Variants in RBFOX1 observed in about 807,000 individuals in gnomAD.
The protein encoded by RBFOX1 is RNA binding fox-1 homolog 1.
Under a neutral mutation model 57.7 loss-of-function variants are expected in RBFOX1, and 8 were observed. The ratio of observed to expected loss-of-function variants is 0.14; its 90% CI spans 0.08 to 0.25. The LOEUF (loss-of-function observed/expected upper bound fraction) is 0.25, where lower values mean the gene tolerates loss of function less well. Ranked by LOEUF, RBFOX1 falls within the 10% of genes least tolerant of loss-of-function variation. The pLI is 1.00. For synonymous variants in RBFOX1, 326 were observed against 222.4 expected (o/e 1.47, Z -4.15); for missense variants, 611 against 548.5 (o/e 1.11, Z -1.14).
chr16:7,700,844 G>A (rs902306642), intron 14 of RBFOX1, among the ~76,000 whole-genome samples: 5 of 152,270 alleles, frequency 3.3e-5, no homozygotes, highest in East Asian at 1.9e-4. Context: ...ATAGGAAGAG[G>A]TTTTGAATGG....
At chr16:5,666,631 A>G (rs933446451) in intron 3 of RBFOX1, among the ~76,000 whole-genome samples, 4 of 152,212 alleles carry the variant, frequency 2.6e-5, no homozygotes, top group African/African-American at 9.7e-5. Context: ...GAGACAGCTA[A>G]TAGGACTGGC....
intron 1 of RBFOX1, among the ~76,000 whole-genome samples, chr16:6,112,999 A>G (rs2096462413): frequency 6.6e-6 from 1 of 152,226 alleles, no homozygotes; most frequent in African/African-American, 2.4e-5. Flanking sequence ...AAAATGTATC[A>G]GACAGCTATT....
chr16:7,527,867 CAGG>C (rs2079052015), intron 5 of RBFOX1, among the ~76,000 whole-genome samples: 1 of 152,116 alleles, frequency 6.6e-6, no homozygotes, highest in African/African-American at 2.4e-5. Flanking sequence ...ATGTTTTATC[CAGG>C]AGAATACATT....
chr16:5,619,843 T>TG (rs1427915469), intron 3 of RBFOX1, among the ~76,000 whole-genome samples: 1 of 152,166 alleles, frequency 6.6e-6, no homozygotes, highest in Non-Finnish European at 1.5e-5. Flanking sequence ...GCAGGTCCCC[T>TG]GGGGACATGG....
At chr16:6,800,974 G>A (rs1603626425) in intron 3 of RBFOX1, among the ~76,000 whole-genome samples, 1 of 152,040 alleles carries the variant, frequency 6.6e-6, no homozygotes, top group Non-Finnish European at 1.5e-5. Flanking sequence ...ACAACAGTGT[G>A]GGAAATCAAT....
At chr16:7,384,218 AAT>A (rs528826994) in intron 4 of RBFOX1, among the ~76,000 whole-genome samples, 4 of 151,878 alleles carry the variant, frequency 2.6e-5, no homozygotes, top group Admixed American at 1.3e-4. Flanking sequence ...ACATATATGA[AAT>A]ATATATATGA....
intron 4 of RBFOX1, among the ~76,000 whole-genome samples, chr16:7,435,655 T>G (rs1225016956): frequency 6.6e-6 from 1 of 152,208 alleles, no homozygotes; most frequent in Non-Finnish European, 1.5e-5. Flanking sequence ...AAGGAGAATT[T>G]GGCTCACTAC....
At chr16:6,006,448 G>A (rs1157534897) in intron 4 of RBFOX1, among the ~76,000 whole-genome samples, 1 of 152,160 alleles carries the variant, frequency 6.6e-6, no homozygotes, top group African/African-American at 2.4e-5. Context: ...ATGCCAGTCT[G>A]TGCCTATTGG....
intron 3 of RBFOX1, among the ~76,000 whole-genome samples, chr16:5,627,154 A>G (rs1287721538): frequency 6.6e-6 from 1 of 152,224 alleles, no homozygotes; most frequent in Non-Finnish European, 1.5e-5. Flanking sequence ...ATCCACCATT[A>G]GAAATTATTT....
At chr16:6,161,845 C>T (rs908537514) in intron 1 of RBFOX1, among the ~76,000 whole-genome samples, 1 of 152,202 alleles carries the variant, frequency 6.6e-6, no homozygotes, top group Admixed American at 6.5e-5. Flanking sequence ...CTAGCCAGCT[C>T]CCTAATCACT....
At chr16:7,660,510 T>C (rs192777047) in intron 12 of RBFOX1, among the ~76,000 whole-genome samples, 1 of 152,346 alleles carries the variant, frequency 6.6e-6, no homozygotes, top group East Asian at 1.9e-4. Flanking sequence ...TTACAAATTA[T>C]TTGGATACAT....
chr16:5,602,326 A>C (rs1005867498), downstream of RBFOX1, among the ~76,000 whole-genome samples: 21 of 152,250 alleles, frequency 1.4e-4, no homozygotes, highest in African/African-American at 4.8e-4. Context: ...AGATGATTGT[A>C]CAAGTGTGAG....
At chr16:6,848,706 A>AT (rs2093900229) in intron 3 of RBFOX1, among the ~76,000 whole-genome samples, 1 of 152,124 alleles carries the variant, frequency 6.6e-6, no homozygotes, top group African/African-American at 2.4e-5. Flanking sequence ...GGAATGAGAG[A>AT]TAATAGATGG....
chr16:6,744,025 C>G (rs947412412), intron 3 of RBFOX1, among the ~76,000 whole-genome samples: 1 of 151,786 alleles, frequency 6.6e-6, no homozygotes, highest in Non-Finnish European at 1.5e-5. Flanking sequence ...AAGTGTATTT[C>G]TTTCCTTTAA....
At chr16:7,368,445 C>A (rs992284868) in intron 4 of RBFOX1, among the ~76,000 whole-genome samples, 5 of 151,812 alleles carry the variant, frequency 3.3e-5, no homozygotes, top group Non-Finnish European at 7.4e-5. Flanking sequence ...AAAAAGTTTT[C>A]TTGGAGGTCT....
intron 4 of RBFOX1, among the ~76,000 whole-genome samples, chr16:7,143,573 G>C (rs975992568): frequency 6.6e-6 from 1 of 152,126 alleles, no homozygotes; most frequent in Non-Finnish European, 1.5e-5. Context: ...TTATGGGGTA[G>C]CTTTCTCCCA....
chr16:6,517,650 C>G (rs566022643), intron 2 of RBFOX1, among the ~76,000 whole-genome samples: 2 of 152,282 alleles, frequency 1.3e-5, no homozygotes, highest in South Asian at 4.1e-4. Flanking sequence ...CGAGATAGTA[C>G]TTGATGGCTA....
chr16:6,753,242 A>G (rs1044735651), intron 3 of RBFOX1, among the ~76,000 whole-genome samples: 3 of 152,228 alleles, frequency 2.0e-5, no homozygotes, highest in Non-Finnish European at 2.9e-5. Context: ...TAAAGCAAGT[A>G]TAGTAAAATG....
intron 3 of RBFOX1, among the ~76,000 whole-genome samples, chr16:6,659,343 G>T (rs1426392465): frequency 1.3e-5 from 2 of 152,036 alleles, no homozygotes; most frequent in African/African-American, 4.8e-5. Context: ...GAGTTTGAGT[G>T]GTTTTCCAAG....
Sources: allele counts gnomAD v4.1 joint callset (sites outside exome capture counted in the v4.1 genomes callset), GRCh38; gene constraint gnomAD v4.1.1; transcripts MANE v1.5; gene names NCBI Gene and HGNC (gene_info 2026-07-23, HGNC 2026-07-21).